Variants in IPO11 observed in about 807,000 individuals in gnomAD.
IPO11 encodes importin 11.
IPO11 carries 66 observed loss-of-function variants against 143.2 expected under a neutral mutation model. That is an observed-to-expected ratio of 0.46 (90% CI 0.38 to 0.57). The LOEUF (loss-of-function observed/expected upper bound fraction) is 0.57, where lower values mean the gene tolerates loss of function less well. Among genes scored for constraint, IPO11 ranks in the 20% least tolerant of loss-of-function variants. IPO11 has a pLI of 0.00. For synonymous variants in IPO11, 385 were observed against 377.8 expected, an observed-to-expected ratio of 1.02 and a Z score of -0.22; for missense variants, 1,026 against 1,141.0, an observed-to-expected ratio of 0.90 and a Z score of 1.45.
chr5:62,493,674 T>TTC (rs1741025983), intron 15 of IPO11, among the ~76,000 whole-genome samples: 1 of 151,976 alleles, frequency 6.6e-6, no homozygotes, highest in Admixed American at 6.6e-5. Context: ...TTTCAAGGGA[T>TTC]TCTCATGCCT....
chr5:62,530,124 GA>G (rs1323897895), intron 21 of IPO11, among the ~76,000 whole-genome samples: 3 of 152,116 alleles, frequency 2.0e-5, no homozygotes, highest in African/African-American at 7.2e-5. Flanking sequence ...AACATATCAA[GA>G]AAATCAGAAC....
At chr5:62,414,354 G>A (rs1193940478) in intron 1 of IPO11, among the ~76,000 whole-genome samples, 1 of 152,094 alleles carries the variant, frequency 6.6e-6, no homozygotes, top group Non-Finnish European at 1.5e-5. Flanking sequence ...GTAAGGTAAT[G>A]TTTGATTATT....
At chr5:62,499,211 A>T (rs1009470542) in intron 16 of IPO11, among the ~76,000 whole-genome samples, 1 of 152,206 alleles carries the variant, frequency 6.6e-6, no homozygotes, top group Non-Finnish European at 1.5e-5. Flanking sequence ...ACAATCTGAG[A>T]TAGTAGAGGC....
At chr5:62,610,371 AGC>A (rs1157682695) in intron 29 of IPO11, among the ~76,000 whole-genome samples, 1 of 152,168 alleles carries the variant, frequency 6.6e-6, no homozygotes, top group East Asian at 1.9e-4. Flanking sequence ...TATATTGAAA[AGC>A]AGTTTGAAAG....
chr5:62,553,276 G>T (rs1158994391), intron 26 of IPO11, among the ~76,000 whole-genome samples: 1 of 151,908 alleles, frequency 6.6e-6, no homozygotes, highest in Non-Finnish European at 1.5e-5. Flanking sequence ...ATGTTGCCAT[G>T]AATGACAGGA....
At chr5:62,442,861 T>TAAAAAA in intron 2 of IPO11, 122 bp from the exon 3 acceptor site, 8 of 205,078 alleles carry the variant, frequency 3.9e-5, no homozygotes, top group Non-Finnish European at 6.5e-5. Flanking sequence ...TGAAACTGTC[T>TAAAAAA]CAAAAACAAA....
At chr5:62,452,662 C>CGTGTGTGTGT (rs138539006) in intron 5 of IPO11, among the ~76,000 whole-genome samples, 41 of 140,208 alleles carry the variant, frequency 2.9e-4, no homozygotes, top group Middle Eastern at 3.5e-3. Context: ...GTTTTGGGTT[C>CGTGTGTGTGT]GTGTGTGTGT....
At chr5:62,589,449 A>G (rs1744931105) in intron 27 of IPO11, among the ~76,000 whole-genome samples, 1 of 152,096 alleles carries the variant, frequency 6.6e-6, no homozygotes, top group Admixed American at 6.6e-5. Flanking sequence ...TCACCCACCC[A>G]AGATGAAACC....
At chr5:62,509,743 G>A (rs570687560) in intron 19 of IPO11, among the ~76,000 whole-genome samples, 8 of 152,288 alleles carry the variant, frequency 5.3e-5, no homozygotes, top group Non-Finnish European at 1.2e-4. Flanking sequence ...TAGAATTGGT[G>A]TATATATGCA....
At position 62,620,517 on chromosome 5, in the gene IPO11, T is replaced by TA. The variant is rs71608518; in HGVS notation, c.2764-6614dup. On this transcript the variant is annotated intron_variant, in intron 29 of 29. Transcript: ENST00000325324. ...CTGGGCAACAGAGCGAGACTCTGTCTAAAAAAAAAAAAAAAAAAAAAAATA... is the reference window on the plus strand; with the variant it reads ...CTGGGCAACAGAGCGAGACTCTGTCTAAAAAAAAAAAAAAAAAAAAAAAATA... Among the ~76,000 whole-genome samples, 408 of 105,766 alleles carry TA rather than the reference T, an allele frequency of 3.9e-3. 2 individuals carry two copies. The highest frequency in any genetic ancestry group is 0.02 in the Middle Eastern group (4 of 200). The allele number at this position is 105,766 out of a possible 152,430, so 69.4% of individuals were successfully genotyped here. A position where few individuals can be genotyped will look rare whatever the true frequency, so the allele number is the denominator to read the frequency against.
At chr5:62,565,786 AC>A (rs1743917164) in intron 27 of IPO11, among the ~76,000 whole-genome samples, 1 of 105,160 alleles carries the variant, frequency 9.5e-6, no homozygotes, top group South Asian at 3.1e-4. Context: ...CTCACCCCCT[AC>A]CCCCCCAACT....
intron 8 of IPO11, 55 bp downstream of exon 8, chr5:62,474,519 T>C: frequency 8.2e-7 from 1 of 1,226,278 alleles, no homozygotes; most frequent in Non-Finnish European, 1.2e-6. Context: ...CATTAGTAGC[T>C]TATTCATTCA....
Position 62,484,180 on chromosome 5 carries a change from A to C in IPO11, c.1174+18A>C. On this transcript the variant is annotated intron_variant, in intron 11 of 29. Coordinates refer to ENST00000325324, the MANE Select transcript of IPO11 (RefSeq NM_016338.5). ...AGGCTTTAGTAAGAATTAATTTTTT[A>C]GTGTTAGAATGACTTTTCTCCCCTT... 2 of 1,575,296 alleles carry C rather than the reference A, an allele frequency of 1.3e-6. No homozygotes were observed. Among genetic ancestry groups the C allele is most frequent in the Non-Finnish European group, 1.7e-6 (2 of 1,166,834 alleles).
At chr5:62,513,187 G>A (rs1252218587) in intron 19 of IPO11, among the ~76,000 whole-genome samples, 8 of 151,716 alleles carry the variant, frequency 5.3e-5, no homozygotes, top group Admixed American at 2.6e-4. Flanking sequence ...CTCAGCTCCC[G>A]GACCGGGTGG....
At chr5:62,597,895 G>C (rs1042881233) in intron 28 of IPO11, among the ~76,000 whole-genome samples, 3 of 152,314 alleles carry the variant, frequency 2.0e-5, no homozygotes, top group Admixed American at 6.5e-5. Context: ...TTAGCTGACT[G>C]TGGCCTTAGC....
rs1372868253 is a variant in IPO11, at chr5:62,504,843, T to G, written c.1625-15T>G. ...AAAACTTATATATTCTCAGTATTCC[T>G]TAACTGTTCTTCACCTGTTGATGAT... On this transcript the variant is annotated splice_polypyrimidine_tract_variant and intron_variant, in intron 17 of 29. Coordinates refer to ENST00000325324, the MANE Select transcript of IPO11 (RefSeq NM_016338.5). The G allele has an allele frequency of 1.3e-6, 2 of 1,532,678 alleles. No individual in the cohort carries two copies. Among genetic ancestry groups the G allele is most frequent in the Admixed American group, 3.7e-5 (2 of 54,290 alleles). 94.9% of individuals were successfully genotyped at this position (1,532,678 alleles called of 1,614,324 possible). A position where few individuals can be genotyped will look rare whatever the true frequency, so the allele number is the denominator to read the frequency against.
rs761398134 is a variant in IPO11, at chr5:62,579,596, G to T, written c.2583-11981G>T. 1.6e-4 allele frequency: 253 copies of T among 1,550,942 alleles called. No individual in the cohort carries two copies. The highest frequency in any genetic ancestry group is 3.3e-4 in the Admixed American group (17 of 50,932). On this transcript the variant is annotated intron_variant, in intron 27 of 29. Transcript: ENST00000325324. ...AACTGCCGTAACTTAGGCCTTTCGAGTATTCCTAAGAATTTTCCTGAAAGT... is the reference window on the plus strand; with the variant it reads ...AACTGCCGTAACTTAGGCCTTTCGATTATTCCTAAGAATTTTCCTGAAAGT...
rs539084223 is a variant in IPO11 at position 62,417,925 on chromosome 5, T to G, written c.-7+4996T>G. 5.3e-5 allele frequency among the ~76,000 whole-genome samples: 8 copies of G among 152,316 alleles called. No homozygotes were observed. The South Asian group carries it at 1.4e-3, about 28-fold the overall frequency. ...TTAATTCTTTCCCCTTATTAACTTA[T>G]GTGTAACCCCTCCTCCAACTCTCCA... On this transcript the variant is annotated intron_variant, in intron 1 of 29. Transcript: ENST00000325324.
chr5:62,605,152 T>C (rs1745658545), intron 29 of IPO11, among the ~76,000 whole-genome samples: 1 of 152,238 alleles, frequency 6.6e-6, no homozygotes, highest in African/African-American at 2.4e-5. Flanking sequence ...AGCTGCTTAG[T>C]TCCAAGGTCA....
Sources: allele counts gnomAD v4.1 joint callset (sites outside exome capture counted in the v4.1 genomes callset), GRCh38; gene constraint gnomAD v4.1.1; transcripts MANE v1.5; gene names NCBI Gene and HGNC (gene_info 2026-07-23, HGNC 2026-07-21).